Variants in GRM1 observed in about 807,000 individuals in gnomAD.
GRM1 encodes metabotropic glutamate receptor 1.
In GRM1, 33 loss-of-function variants were observed where a neutral mutation model predicts 90.9. The ratio of observed to expected loss-of-function variants is 0.36; its 90% CI spans 0.28 to 0.49. The LOEUF (loss-of-function observed/expected upper bound fraction) is 0.49, where lower values mean the gene tolerates loss of function less well. Ranked by LOEUF, GRM1 falls within the 20% of genes least tolerant of loss-of-function variation. The pLI is 0.99. For synonymous variants in GRM1, 700 were observed against 613.2 expected, an observed-to-expected ratio of 1.14 and a Z score of -2.09; for missense variants, 1,190 against 1,534.3, an observed-to-expected ratio of 0.78 and a Z score of 3.75.
chr6:146,376,444 C>T (rs1040131219), intron 5 of GRM1, among the ~76,000 whole-genome samples: 12 of 151,990 alleles, frequency 7.9e-5, no homozygotes, highest in African/African-American at 2.4e-4. Context: ...TTAAGTATTT[C>T]TTGTAGGATG....
At chr6:146,349,708 A>G in intron 3 of GRM1, among the ~76,000 whole-genome samples, 1 of 152,172 alleles carries the variant, frequency 6.6e-6, no homozygotes, top group East Asian at 1.9e-4. Context: ...TTGTCTACAT[A>G]ATACCCCATT....
chr6:146,335,423 T>G (rs746789019), intron 3 of GRM1, among the ~76,000 whole-genome samples: 9 of 152,164 alleles, frequency 5.9e-5, no homozygotes, highest in Non-Finnish European at 1.3e-4. Flanking sequence ...TCTAGGAGGT[T>G]TCTTTGTGCT....
intron 6 of GRM1, among the ~76,000 whole-genome samples, chr6:146,397,882 C>A (rs1356073474): frequency 6.6e-6 from 1 of 152,140 alleles, no homozygotes; most frequent in African/African-American, 2.4e-5. Context: ...AACAATGAGT[C>A]TTTTCCTAAA....
intron 2 of GRM1, among the ~76,000 whole-genome samples, chr6:146,261,379 T>C (rs1390838411): frequency 2.0e-5 from 3 of 152,120 alleles, no homozygotes; most frequent in African/African-American, 4.8e-5. Flanking sequence ...AGTTGTTTTG[T>C]GGATCTTCTA....
chr6:146,049,046 A>G lies in GRM1; in HGVS notation c.700+18829A>G, dbSNP rs188640765. ...TGCTCTAGGTTTTGGTACTTTCTGC[A>G]TGTGCTAAAAAAAAAACTAGTGTTC... On this transcript the variant is annotated intron_variant, in intron 1 of 7. Transcript: ENST00000282753. 3.7e-3 allele frequency among the ~76,000 whole-genome samples: 554 copies of G among 150,710 alleles called. 19 individuals are homozygous for G. The highest frequency in any genetic ancestry group is 0.036 in the Admixed American group (548 of 15,212).
At chr6:146,279,074 G>T (rs1583265661) in intron 2 of GRM1, among the ~76,000 whole-genome samples, 1 of 152,162 alleles carries the variant, frequency 6.6e-6, no homozygotes, top group East Asian at 1.9e-4. Flanking sequence ...AATTCTTCCT[G>T]AGTCCATTTT....
intron 1 of GRM1, among the ~76,000 whole-genome samples, chr6:146,078,513 G>T (rs1477107687): frequency 1.1e-4 from 16 of 152,160 alleles, no homozygotes; most frequent in African/African-American, 3.1e-4. Context: ...TGCTGGGAAA[G>T]AAATATTAAA....
intron 1 of GRM1, among the ~76,000 whole-genome samples, chr6:146,128,246 A>C (rs915712465): frequency 6.6e-6 from 1 of 152,210 alleles, no homozygotes; most frequent in African/African-American, 2.4e-5. Flanking sequence ...TTCACGTTGT[A>C]GGAAGAACAT....
chr6:146,059,623 C>T (rs1436597145), intron 1 of GRM1, among the ~76,000 whole-genome samples: 1 of 152,110 alleles, frequency 6.6e-6, no homozygotes, highest in Non-Finnish European at 1.5e-5. Flanking sequence ...ATCGACTTCT[C>T]CTTTCTAGCT....
chr6:146,419,454 A>G (rs570414496), intron 7 of GRM1, among the ~76,000 whole-genome samples: 10 of 152,376 alleles, frequency 6.6e-5, no homozygotes, highest in African/African-American at 2.4e-4. Flanking sequence ...TGAGACAATT[A>G]TCTGCAACAG....
chr6:146,042,194 G>T (rs927702040), intron 1 of GRM1, among the ~76,000 whole-genome samples: 1 of 151,988 alleles, frequency 6.6e-6, no homozygotes, highest in African/African-American at 2.4e-5. Flanking sequence ...TTTGGGGGAC[G>T]TTCAGACCAT....
At chr6:146,087,472 G>A (rs1776585346) in intron 1 of GRM1, among the ~76,000 whole-genome samples, 1 of 152,084 alleles carries the variant, frequency 6.6e-6, no homozygotes, top group Non-Finnish European at 1.5e-5. Context: ...GCGCGCATGT[G>A]TGTAGCTTTG....
chr6:146,057,584 T>G (rs1329263196), intron 1 of GRM1, among the ~76,000 whole-genome samples: 1 of 152,084 alleles, frequency 6.6e-6, no homozygotes, highest in Non-Finnish European at 1.5e-5. Flanking sequence ...CCAATCAATC[T>G]CTTAACTCAT....
At chr6:146,295,559 C>T (rs1783147359) in intron 2 of GRM1, among the ~76,000 whole-genome samples, 1 of 152,062 alleles carries the variant, frequency 6.6e-6, no homozygotes, top group Non-Finnish European at 1.5e-5. Flanking sequence ...TATTCCATAT[C>T]ACTATGTTTT....
At chr6:146,054,049 A>G (rs1006246657) in intron 1 of GRM1, among the ~76,000 whole-genome samples, 1 of 152,130 alleles carries the variant, frequency 6.6e-6, no homozygotes, top group African/African-American at 2.4e-5. Flanking sequence ...AAAAATGAAT[A>G]AGATATACTT....
chr6:146,261,633 A>G (rs1052889766), intron 2 of GRM1, among the ~76,000 whole-genome samples: 3 of 152,154 alleles, frequency 2.0e-5, no homozygotes, highest in African/African-American at 7.2e-5. Context: ...ATAGACCAAA[A>G]CCTAGAGATC....
At chr6:146,194,062 G>C (rs1212299266) in intron 2 of GRM1, among the ~76,000 whole-genome samples, 1 of 151,300 alleles carries the variant, frequency 6.6e-6, no homozygotes, top group African/African-American at 2.4e-5. Context: ...CCTTTTTCTT[G>C]ATATTTTTGT....
intron 2 of GRM1, among the ~76,000 whole-genome samples, chr6:146,270,962 TTTC>T (rs1231685659): frequency 1.6e-4 from 23 of 142,530 alleles, no homozygotes; most frequent in African/African-American, 5.1e-4. Context: ...CCTTTCTTTC[TTTC>T]TTTTTTTTTT....
chr6:146,420,906 T>G (rs1216630476), intron 7 of GRM1, among the ~76,000 whole-genome samples: 6 of 152,082 alleles, frequency 3.9e-5, no homozygotes, highest in Admixed American at 3.9e-4. Flanking sequence ...ATAAAATAAT[T>G]TATCTATACT....
Sources: allele counts gnomAD v4.1 joint callset (sites outside exome capture counted in the v4.1 genomes callset), GRCh38; gene constraint gnomAD v4.1.1; transcripts MANE v1.5; gene names NCBI Gene and HGNC (gene_info 2026-07-23, HGNC 2026-07-21).